EARS2: variants seen among roughly 807,000 people sequenced by gnomAD.
The protein encoded by EARS2 is glutamyl-tRNA synthetase 2, mitochondrial, also known as nondiscriminating glutamyl-tRNA synthetase EARS2, mitochondrial.
In EARS2, 50 loss-of-function variants were observed where a neutral mutation model predicts 54.1. The observed-to-expected ratio is 0.92, with a 90% CI of 0.74 to 1.17. EARS2 has a LOEUF of 1.17. Among genes scored for constraint, EARS2 ranks in the 50% most tolerant of loss-of-function variants. The pLI, the probability that EARS2 is intolerant of heterozygous loss-of-function variation, is 0.00. For missense variants in EARS2, 673 were observed against 675.0 expected, an observed-to-expected ratio of 1.00 and a Z score of 0.03; for synonymous variants, 298 against 281.0, an observed-to-expected ratio of 1.06 and a Z score of -0.61.
chr16:23,539,029 G>A (rs1965471166), intron 3 of EARS2, among the ~76,000 whole-genome samples: 1 of 132,264 alleles, frequency 7.6e-6, no homozygotes, highest in Admixed American at 8.7e-5. Flanking sequence ...CCAGGCTGGA[G>A]TGCAGTGGCA....
Position 23,520,792 on chromosome 16 carries a change from T to C in EARS2, c.*3579A>G, listed in dbSNP as rs572929052. 1.3e-5 allele frequency among the ~76,000 whole-genome samples: 2 copies of C among 152,124 alleles called. No homozygotes were observed. Among genetic ancestry groups the C allele is most frequent in the East Asian group, 1.9e-4 (1 of 5,188 alleles). Reference sequence around the variant, plus strand: ...AACAGCTTTATTAATTTCGCTTTTTTATTAATTTCTTGTTGAGACAGAGTG... The same window carrying C: ...AACAGCTTTATTAATTTCGCTTTTTCATTAATTTCTTGTTGAGACAGAGTG... On this transcript the variant is annotated 3_prime_UTR_variant, in exon 9 of 9. Coordinates refer to ENST00000449606, the MANE Select transcript of EARS2 (RefSeq NM_001083614.2).
intron 3 of EARS2, chr16:23,537,070 C>A: frequency 3.9e-6 from 1 of 256,092 alleles, no homozygotes; most frequent in South Asian, 4.2e-5. Context: ...ATGTCTGAAT[C>A]AAAGGAACTT....
In EARS2 at chr16:23,557,282, G is replaced by T. The variant is rs1237498783; in HGVS notation, c.62C>A (p.Pro21His). The T allele has an allele frequency of 6.6e-7, 1 of 1,517,534 alleles. No homozygotes were observed. 94.0% of individuals were successfully genotyped at this position (1,517,534 alleles called of 1,614,324 possible). Reference protein sequence around the residue: ...RERPSAASGRPVGRREANLGT... With the variant: ...RERPSAASGRHVGRREANLGT... ...CAGGTTGGCCTCGCGCCGTCCTACG[G>T]GGCGGCCAGAGGCCGCCGAAGGCCT... The change falls in exon 1 of 9, where the codon CCC becomes CAC. Residue 21 changes from proline to histidine, a missense_variant. By Grantham distance (77) the Pro-to-His change is moderately conservative. This residue lies in a region of EARS2 where 316 missense variants were observed against 275.2 expected (regional missense o/e 1.15). Transcript: ENST00000449606.
intron 1 of EARS2, among the ~76,000 whole-genome samples, chr16:23,556,570 T>TCTCAAGTGATCCACTTGAC (rs1460565353): frequency 1.3e-5 from 2 of 152,194 alleles, no homozygotes; most frequent in East Asian, 1.9e-4. Context: ...GTCAGACGGC[T>TCTCAAGTGATCCACTTGAC]CTCAAGTGAT....
intron 1 of EARS2, among the ~76,000 whole-genome samples, chr16:23,554,648 C>G (rs1372907115): frequency 6.6e-6 from 1 of 152,130 alleles, no homozygotes; most frequent in African/African-American, 2.4e-5. Context: ...GCAAGGACAC[C>G]AGAAAACCAG....
chr16:23,540,132 TGACAGAGTGA>T (rs1965488800), intron 3 of EARS2, among the ~76,000 whole-genome samples: 1 of 151,924 alleles, frequency 6.6e-6, no homozygotes, highest in African/African-American at 2.4e-5. Flanking sequence ...CCAATCTGGG[TGACAGAGTGA>T]GACCCCATCT....
chr16:23,539,201 CCTT>C (rs1965473719), intron 3 of EARS2, among the ~76,000 whole-genome samples: 1 of 152,002 alleles, frequency 6.6e-6, no homozygotes, highest in African/African-American at 2.4e-5. Context: ...GCAGTTGTGT[CCTT>C]TTTTTGCTCA....
At chr16:23,544,826 G>A (rs779776206) in intron 2 of EARS2, 123 bp from the exon 3 acceptor site, 1 of 923,204 alleles carries the variant, frequency 1.1e-6, no homozygotes, top group Non-Finnish European at 1.6e-6. Flanking sequence ...GTTGGCATTA[G>A]TACAATGTCC....
At chr16:23,546,502 TAAGTA>T in intron 2 of EARS2, 1 of 454,026 alleles carries the variant, frequency 2.2e-6, no homozygotes, top group Admixed American at 2.4e-5. Flanking sequence ...TAAGATGATC[TAAGTA>T]AAGTACTCAT....
intron 7 of EARS2, 127 bp downstream of exon 7, chr16:23,529,375 G>C: frequency 8.0e-7 from 1 of 1,250,368 alleles, no homozygotes; most frequent in Non-Finnish European, 1.1e-6. Context: ...CCAGTGAAGG[G>C]TCACTTCTTC....
At chr16:23,527,249 A>AGCC (rs1965245277) in intron 7 of EARS2, among the ~76,000 whole-genome samples, 1 of 152,178 alleles carries the variant, frequency 6.6e-6, no homozygotes, top group Non-Finnish European at 1.5e-5. Flanking sequence ...TACAGGTACA[A>AGCC]GCCACAGTGT....
At position 23,551,214 on chromosome 16, in the gene EARS2, G is replaced by A. The variant is rs141143576; in HGVS notation, c.295+935C>T. Among the ~76,000 whole-genome samples the A allele has an allele frequency of 1.8e-3, 271 of 152,334 alleles. 9 individuals are homozygous for A. The East Asian group carries it at 0.038, about 21-fold the overall frequency. ...AGGCACTCCCAACTCTGGATGAGGT[G>A]TGGTTTTCACAGCTCAGCACTGGCC... On this transcript the variant is annotated intron_variant, in intron 2 of 8. Coordinates refer to ENST00000449606, the MANE Select transcript of EARS2 (RefSeq NM_001083614.2).
intron 1 of EARS2, among the ~76,000 whole-genome samples, chr16:23,556,437 C>G (rs1272568893): frequency 6.6e-6 from 1 of 152,234 alleles, no homozygotes; most frequent in Non-Finnish European, 1.5e-5. Flanking sequence ...TCACCGCAAT[C>G]TCCACCTCCT....
At chr16:23,539,993 A>G (rs546927264) in intron 3 of EARS2, among the ~76,000 whole-genome samples, 1 of 152,254 alleles carries the variant, frequency 6.6e-6, no homozygotes, top group East Asian at 1.9e-4. Flanking sequence ...CTACCAAAAA[A>G]TACAAAAAAA....
intron 2 of EARS2, among the ~76,000 whole-genome samples, chr16:23,547,520 C>G (rs1309992637): frequency 1.3e-5 from 2 of 151,298 alleles, no homozygotes; most frequent in African/African-American, 4.9e-5. Context: ...TTTTTTTTTC[C>G]CCGAAGACAG....
intron 1 of EARS2, among the ~76,000 whole-genome samples, chr16:23,555,560 G>C (rs1965762380): frequency 6.6e-6 from 1 of 152,184 alleles, no homozygotes; most frequent in Admixed American, 6.5e-5. Flanking sequence ...CAGAAATTTG[G>C]ACCCAGGCAA....
At chr16:23,533,292 A>T (rs1457361772) in intron 4 of EARS2, among the ~76,000 whole-genome samples, 1 of 152,020 alleles carries the variant, frequency 6.6e-6, no homozygotes, top group Non-Finnish European at 1.5e-5. Context: ...AAATAAATAC[A>T]TCATACACAC....
rs1380730457 is a variant in EARS2, at chr16:23,520,881, G to A, written c.*3490C>T. Among the ~76,000 whole-genome samples, 2 of 152,050 alleles carry A rather than the reference G, an allele frequency of 1.3e-5. No individual in the cohort carries two copies. The highest frequency in any genetic ancestry group is 1.3e-4 in the Admixed American group (2 of 15,258). Reference sequence around the variant, plus strand: ...TTGGCTCACTGCAACCTCCCGTTCTGTGGGGGTTCAAGTAATTCCTGTGCC... The same window carrying A: ...TTGGCTCACTGCAACCTCCCGTTCTATGGGGGTTCAAGTAATTCCTGTGCC... On this transcript the variant is annotated 3_prime_UTR_variant, in exon 9 of 9. Coordinates refer to ENST00000449606, the MANE Select transcript of EARS2 (RefSeq NM_001083614.2).
intron 1 of EARS2, chr16:23,556,668 T>C: frequency 3.0e-6 from 1 of 329,794 alleles, no homozygotes; most frequent in Non-Finnish European, 5.9e-6. Flanking sequence ...CTCCAGAAGG[T>C]TCCTTCTATA....
Sources: gnomAD v4.1 joint callset for allele counts (sites outside exome capture counted in the v4.1 genomes callset) on GRCh38, gnomAD v4.1.1 for gene constraint, gnomAD v4.1.1 regional missense constraint, MANE v1.5 for transcripts, NCBI Gene and HGNC (gene_info 2026-07-23, HGNC 2026-07-21) for gene names.